The following ZC3H7B variants were observed in gnomAD, a reference collection of about 807,000 sequenced individuals.
The protein encoded by ZC3H7B is zinc finger CCCH-type containing 7B.
In ZC3H7B, 35 loss-of-function variants were observed where a neutral mutation model predicts 116.0. The ratio of observed to expected loss-of-function variants is 0.30; its 90% CI spans 0.23 to 0.40. The LOEUF is 0.40. Ranked by LOEUF, ZC3H7B falls within the 10% of genes least tolerant of loss-of-function variation. The pLI, the probability that ZC3H7B is intolerant of heterozygous loss-of-function variation, is 1.00. For missense variants in ZC3H7B, 1,011 were observed against 1,321.5 expected, an observed-to-expected ratio of 0.77 and a Z score of 3.64; for synonymous variants, 502 against 545.6, an observed-to-expected ratio of 0.92 and a Z score of 1.11.
At chr22:41,309,184 G>T (rs1444662642) in intron 1 of ZC3H7B, among the ~76,000 whole-genome samples, 1 of 151,408 alleles carries the variant, frequency 6.6e-6, no homozygotes, top group Non-Finnish European at 1.5e-5. Flanking sequence ...GCTAATTTTT[G>T]TATTTTTAGT....
chr22:41,339,942 C>T lies in ZC3H7B; in HGVS notation c.943C>T (p.Pro315Ser), dbSNP rs1318709425. ...GGGTGGCTCCATCCCTGTCTCCAGCCCACTGCCCCCCGCCTCCTTCGGCTT... is the reference window on the plus strand; with the variant it reads ...GGGTGGCTCCATCCCTGTCTCCAGCTCACTGCCCCCCGCCTCCTTCGGCTT... Reference protein sequence around the residue: ...VVGGSIPVSSPLPPASFGLVM... With the variant: ...VVGGSIPVSSSLPPASFGLVM... The change falls in exon 10 of 23, where the codon CCA becomes TCA. Residue 315 changes from proline to serine, a missense_variant. Coordinates refer to ENST00000352645, the MANE Select transcript of ZC3H7B (RefSeq NM_017590.6). 2 of 1,613,070 alleles carry T rather than the reference C, an allele frequency of 1.2e-6. No homozygotes were observed. Among genetic ancestry groups the T allele is most frequent in the African/African-American group, 1.3e-5 (1 of 74,894 alleles).
At chr22:41,332,086 G>A in intron 6 of ZC3H7B, 85 bp from the exon 7 acceptor site, 2 of 1,492,226 alleles carry the variant, frequency 1.3e-6, no homozygotes, top group Non-Finnish European at 9.3e-7. Context: ...CTTGTGTCAG[G>A]GCCTCTTTGC....
At chr22:41,321,485 G>T (rs2036255861) in intron 2 of ZC3H7B, among the ~76,000 whole-genome samples, 1 of 152,028 alleles carries the variant, frequency 6.6e-6, no homozygotes, top group Admixed American at 6.6e-5. Flanking sequence ...AAAGTGCTGG[G>T]ATTACAGGCG....
intron 1 of ZC3H7B, among the ~76,000 whole-genome samples, chr22:41,320,452 C>CA: frequency 6.6e-6 from 1 of 151,928 alleles, no homozygotes; most frequent in South Asian, 2.1e-4. Context: ...GAGGGTACCA[C>CA]ACAATCTAGG....
chr22:41,336,489 C>G (rs900551665), intron 7 of ZC3H7B: 7 of 152,052 alleles, frequency 4.6e-5, no homozygotes, highest in African/African-American at 1.7e-4. Flanking sequence ...CGGTGAAACC[C>G]CATCTCTACT....
At chr22:41,348,198 C>T in intron 15 of ZC3H7B, 31 bp downstream of exon 15, 3 of 1,590,658 alleles carry the variant, frequency 1.9e-6, no homozygotes, top group Non-Finnish European at 1.7e-6. Context: ...AGGCTGAGGC[C>T]TAGGGGCCAG....
intron 1 of ZC3H7B, among the ~76,000 whole-genome samples, chr22:41,316,596 C>CT (rs371933916): frequency 0.69 from 68,358 of 98,938 alleles, 25,103 homozygotes; most frequent in Admixed American, 0.74. Context: ...CACACCTGGC[C>CT]TTTTTTTTTT....
At chr22:41,308,367 A>C (rs1262162500) in intron 1 of ZC3H7B, among the ~76,000 whole-genome samples, 3 of 151,950 alleles carry the variant, frequency 2.0e-5, no homozygotes, top group African/African-American at 4.8e-5. Context: ...CAAAGTCCTG[A>C]GTTTCATTCC....
chr22:41,325,583 C>T lies in ZC3H7B; in HGVS notation c.73C>T (p.Gln25Ter). 6.2e-7 allele frequency: 1 copy of T among 1,611,886 alleles called. No individual in the cohort carries two copies. The highest frequency in any genetic ancestry group is 8.5e-7 in the Non-Finnish European group (1 of 1,179,152). The change falls in exon 3 of 23, where the codon CAA becomes TAA. Residue 25 changes from glutamine (Q) to a stop codon, truncating the protein, a stop_gained. Coordinates refer to ENST00000352645, the MANE Select transcript of ZC3H7B (RefSeq NM_017590.6). LOFTEE classifies it high-confidence loss of function. ...TGATAGGTCGACACTACCCCTAAAGCAAGAAGAATATGAGGTGAGTGTCAG... is the reference window on the plus strand; with the variant it reads ...TGATAGGTCGACACTACCCCTAAAGTAAGAAGAATATGAGGTGAGTGTCAG... ...QFIQSTLPLKQEEYEAFLLKL... is the reference protein window; with the variant it reads ...QFIQSTLPLK
chr22:41,345,961 A>G (rs1349237009), intron 13 of ZC3H7B, 42 bp from the exon 14 acceptor site: 14 of 1,607,794 alleles, frequency 8.7e-6, no homozygotes, highest in African/African-American at 1.3e-5. Context: ...GCGGGCTGCT[A>G]TCCCCGCCTG....
Position 41,359,166 on chromosome 22 carries a change from G to T in ZC3H7B, c.*1737G>T, listed in dbSNP as rs1376488331. ...GAGGGGAGACCACACCCAAGGTGGGGGCTGTGGCCATGTGTGGCCGTGATG... is the reference window on the plus strand; with the variant it reads ...GAGGGGAGACCACACCCAAGGTGGGTGCTGTGGCCATGTGTGGCCGTGATG... On this transcript the variant is annotated 3_prime_UTR_variant, in exon 23 of 23. Transcript: ENST00000352645. 6.5e-6 allele frequency: 1 copy of T among 152,878 alleles called. No homozygotes were observed. Among genetic ancestry groups the T allele is most frequent in the African/African-American group, 2.4e-5 (1 of 41,454 alleles). The allele number at this position is 152,878 out of a possible 1,614,324, so 9.5% of individuals were successfully genotyped here. A position where few individuals can be genotyped will look rare whatever the true frequency, so the allele number is the denominator to read the frequency against.
At chr22:41,307,140 A>G (rs1212806814) in intron 1 of ZC3H7B, among the ~76,000 whole-genome samples, 4 of 150,500 alleles carry the variant, frequency 2.7e-5, no homozygotes, top group African/African-American at 9.8e-5. Context: ...CACCTGGCTA[A>G]TTTTTTTTTG....
In ZC3H7B at chr22:41,309,538, C is replaced by A. The variant is rs190344788; in HGVS notation, c.-7+7766C>A. Among the ~76,000 whole-genome samples, 170 of 151,200 alleles carry A rather than the reference C, an allele frequency of 1.1e-3. 2 individuals carry two copies. Among genetic ancestry groups the A allele is most frequent in the East Asian group, 5.7e-3 (29 of 5,084 alleles). On this transcript the variant is annotated intron_variant, in intron 1 of 22. Coordinates refer to ENST00000352645, the MANE Select transcript of ZC3H7B (RefSeq NM_017590.6). ...CCATGTTGGCCAGGCTGGTCTTGAA[C>A]TCCTGGCCTCAAGTGATCTGCCCAC...
At chr22:41,308,936 T>C (rs544586639) in intron 1 of ZC3H7B, among the ~76,000 whole-genome samples, 16 of 151,966 alleles carry the variant, frequency 1.1e-4, no homozygotes, top group Admixed American at 4.6e-4. Flanking sequence ...ACCTCCTATC[T>C]TCCATGGCTG....
At position 41,302,477 on chromosome 22, in the gene ZC3H7B, C is replaced by G. The variant is rs927782219; in HGVS notation, c.-7+705C>G. Among the ~76,000 whole-genome samples the G allele has an allele frequency of 6.6e-6, 1 of 152,100 alleles. No individual in the cohort carries two copies. Among genetic ancestry groups the G allele is most frequent in the Non-Finnish European group, 1.5e-5 (1 of 67,986 alleles). The stretch of plus-strand genomic sequence containing the variant: ...AGGCCTGTGGGAGGCCCGCGGCCGT[C>G]CAGGGAGTGCTAGGGGGCTGCGGAC... On this transcript the variant is annotated intron_variant, in intron 1 of 22. Coordinates refer to ENST00000352645, the MANE Select transcript of ZC3H7B (RefSeq NM_017590.6). The surrounding 1 kb of genome is among the most constrained non-coding windows in gnomAD (Gnocchi z 5.7).
chr22:41,356,867 G>T, intron 22 of ZC3H7B, 59 bp downstream of exon 22: 2 of 1,604,242 alleles, frequency 1.2e-6, no homozygotes, highest in South Asian at 1.1e-5. Flanking sequence ...GATGGAGTCC[G>T]TGGCCAGCTC....
At chr22:41,331,772 G>A (rs1211454110) in intron 6 of ZC3H7B, among the ~76,000 whole-genome samples, 4 of 152,124 alleles carry the variant, frequency 2.6e-5, no homozygotes. Context: ...TTGGGAGGCT[G>A]AGGTGGGAGG....
chr22:41,335,218 C>T (rs980811115), intron 7 of ZC3H7B: 9 of 152,262 alleles, frequency 5.9e-5, no homozygotes, highest in Non-Finnish European at 1.2e-4. Context: ...TGAGCACGCT[C>T]CTTATCTACG....
chr22:41,343,308 G>A (rs1311368105), intron 12 of ZC3H7B, 107 bp from the exon 13 acceptor site: 2 of 1,405,174 alleles, frequency 1.4e-6, no homozygotes, highest in African/African-American at 1.4e-5. Context: ...CAGAGGGGAG[G>A]TAGGTATATA....
Sources: gnomAD v4.1 joint callset for allele counts (sites outside exome capture counted in the v4.1 genomes callset) on GRCh38, gnomAD v4.1.1 for gene constraint, Gnocchi (gnomAD v3.1) non-coding constraint, MANE v1.5 for transcripts, NCBI Gene and HGNC (gene_info 2026-07-23, HGNC 2026-07-21) for gene names.